ARHGAP1: variants seen among roughly 807,000 people sequenced by gnomAD.
ARHGAP1 encodes rho GTPase-activating protein 1.
ARHGAP1 carries 23 observed loss-of-function variants against 52.2 expected under a neutral mutation model. That is an observed-to-expected ratio of 0.44 (90% CI 0.32 to 0.62). The LOEUF (loss-of-function observed/expected upper bound fraction) is 0.62. Among genes scored for constraint, ARHGAP1 ranks in the 20% least tolerant of loss-of-function variants. The pLI is 0.05. For missense variants in ARHGAP1, 480 were observed against 560.9 expected, an observed-to-expected ratio of 0.86 and a Z score of 1.46; for synonymous variants, 210 against 228.4, an observed-to-expected ratio of 0.92 and a Z score of 0.73.
At position 46,679,502 on chromosome 11, in the gene ARHGAP1, C is replaced by T; in HGVS notation, c.1028-34G>A. ...AAAGGAGGCCCGGGTTATAGGGGCC[C>T]TAGGCTGGGCTGGTTCAGGACGCTC... On this transcript the variant is annotated intron_variant, in intron 11 of 12. Coordinates refer to ENST00000311956, the MANE Select transcript of ARHGAP1 (RefSeq NM_004308.5). This position sits in a 1 kb window ranked among gnomAD's most constrained non-coding sequence, Gnocchi z 4.4. 6.2e-7 allele frequency: 1 copy of T among 1,610,910 alleles called. No homozygotes were observed. The highest frequency in any genetic ancestry group is 1.1e-5 in the South Asian group (1 of 90,940).
chr11:46,681,585 C>T lies in ARHGAP1; in HGVS notation c.450-206G>A, dbSNP rs2064528491. ...AGTAACTAGGATTACAGGCACCCAC[C>T]ACCACACCTAGCTAATTTTTGTATT... On this transcript the variant is annotated intron_variant, in intron 5 of 12. Transcript: ENST00000311956. This position sits in a 1 kb window ranked among gnomAD's most constrained non-coding sequence, Gnocchi z 5.7. 1.1e-5 allele frequency: 6 copies of T among 526,498 alleles called. No individual in the cohort carries two copies. In the Admixed American group the frequency reaches 2.0e-4, roughly 17 times the overall value. The allele number at this position is 526,498 out of a possible 1,614,324, so 32.6% of individuals were successfully genotyped here.
chr11:46,679,507 C>G lies in ARHGAP1; in HGVS notation c.1028-39G>C. ...AGGCCCGGGTTATAGGGGCCCTAGG[C>G]TGGGCTGGTTCAGGACGCTCTGATG... On this transcript the variant is annotated intron_variant, in intron 11 of 12. Transcript: ENST00000311956. This position sits in a 1 kb window ranked among gnomAD's most constrained non-coding sequence, Gnocchi z 4.4. 1 of 1,611,040 alleles carries G rather than the reference C, an allele frequency of 6.2e-7. No homozygotes were observed. Among genetic ancestry groups the G allele is most frequent in the Non-Finnish European group, 8.5e-7 (1 of 1,177,722 alleles).
Position 46,678,833 on chromosome 11 carries a change from T to A in ARHGAP1, c.*204A>T, listed in dbSNP as rs1163831349. ...AAAAGCCCGGTGTCCAGAGAGGCAG[T>A]GAGAAGTGTAAGGCAGAGAAAAACG... On this transcript the variant is annotated 3_prime_UTR_variant, in exon 13 of 13. Transcript: ENST00000311956. 1.7e-6 allele frequency: 1 copy of A among 604,384 alleles called. No individual in the cohort carries two copies. Among genetic ancestry groups the A allele is most frequent in the East Asian group, 2.9e-5 (1 of 34,500 alleles). The allele number at this position is 604,384 out of a possible 1,614,324, so 37.4% of individuals were successfully genotyped here.
chr11:46,695,561 G>T, intron 3 of ARHGAP1, 99 bp downstream of exon 3: 1 of 1,271,348 alleles, frequency 7.9e-7, no homozygotes, highest in Non-Finnish European at 1.1e-6. Flanking sequence ...CAGGGCCAGC[G>T]GTCAGACTGC....
At chr11:46,692,855 T>TA (rs2064624242) in intron 3 of ARHGAP1, among the ~76,000 whole-genome samples, 1 of 33,410 alleles carries the variant, frequency 3.0e-5, no homozygotes. Context: ...ACCCAGCTAA[T>TA]TTTTTTTTTT....
At chr11:46,697,654 CT>C (rs1294451919) in intron 1 of ARHGAP1, 6 of 152,282 alleles carry the variant, frequency 3.9e-5, no homozygotes, top group Admixed American at 1.3e-4. Context: ...CTGTTTCATG[CT>C]CCCAAGCCAA....
In ARHGAP1 at chr11:46,696,921, C is replaced by T. The variant is rs1156656491; in HGVS notation, c.-49-765G>A. 6.6e-6 allele frequency: 1 copy of T among 152,242 alleles called. No individual in the cohort carries two copies. The highest frequency in any genetic ancestry group is 1.5e-5 in the Non-Finnish European group (1 of 68,102). 9.4% of individuals were successfully genotyped at this position (152,242 alleles called of 1,614,324 possible). ...GCTATGGCTGAGGGGCCCAGCTGGG[C>T]TTGCTCCAGGACAGGAACTAGCAGC... is the stretch of plus-strand genomic sequence containing the variant. On this transcript the variant is annotated intron_variant, in intron 1 of 12. Coordinates refer to ENST00000311956, the MANE Select transcript of ARHGAP1 (RefSeq NM_004308.5). The surrounding 1 kb of genome is among the most constrained non-coding windows in gnomAD (Gnocchi z 4.8).
rs1355487887 is a variant in ARHGAP1 at position 46,678,668 on chromosome 11, C to T, written c.*369G>A. 1.8e-5 allele frequency: 4 copies of T among 225,682 alleles called. No homozygotes were observed. The highest frequency in any genetic ancestry group is 3.5e-5 in the Non-Finnish European group (4 of 113,104). 14.0% of individuals were successfully genotyped at this position (225,682 alleles called of 1,614,324 possible). On this transcript the variant is annotated 3_prime_UTR_variant, in exon 13 of 13. Coordinates refer to ENST00000311956, the MANE Select transcript of ARHGAP1 (RefSeq NM_004308.5). The stretch of plus-strand genomic sequence containing the variant: ...GCAATCAAGAGGGGAGGACTGGCCC[C>T]TGCTACCAGCCCAGCCGGCAGTCAT...
intron 1 of ARHGAP1, among the ~76,000 whole-genome samples, chr11:46,697,796 G>A (rs556113835): frequency 2.0e-5 from 3 of 152,196 alleles, no homozygotes; most frequent in Admixed American, 6.5e-5. Flanking sequence ...GATCCCTCAC[G>A]GTCAGGAATG....
Position 46,678,897 on chromosome 11 carries a change from G to A in ARHGAP1, c.*140C>T. 1.0e-6 allele frequency: 1 copy of A among 983,364 alleles called. No homozygotes were observed. The highest frequency in any genetic ancestry group is 1.7e-5 in the South Asian group (1 of 59,038). 60.9% of individuals were successfully genotyped at this position (983,364 alleles called of 1,614,324 possible). A position where few individuals can be genotyped will look rare whatever the true frequency, so the allele number is the denominator to read the frequency against. On this transcript the variant is annotated 3_prime_UTR_variant, in exon 13 of 13. Transcript: ENST00000311956. ...GCGAGGCCGCCAGGGCCGTGAGGCG[G>A]GCTGGACAGAGGTGGGGGAGAGCAT...
intron 4 of ARHGAP1, among the ~76,000 whole-genome samples, chr11:46,685,099 A>AG (rs1323671560): frequency 6.6e-6 from 1 of 151,512 alleles, no homozygotes; most frequent in African/African-American, 2.4e-5. Flanking sequence ...AAAAAAAAAA[A>AG]AAAAAAAGAT....
intron 3 of ARHGAP1, among the ~76,000 whole-genome samples, chr11:46,691,138 G>C (rs978489382): frequency 1.3e-5 from 2 of 152,290 alleles, no homozygotes. Context: ...CAGTAGCTGG[G>C]ATTACAGTTG....
At position 46,677,531 on chromosome 11, in the gene ARHGAP1, C is replaced by A; in HGVS notation, c.*1506G>T. ...CTGGCCAAGGTCATGGGGGCAGGGT[C>A]ACTGCAGGTACTTCCCTGTACTCCC... On this transcript the variant is annotated 3_prime_UTR_variant, in exon 13 of 13. Coordinates refer to ENST00000311956, the MANE Select transcript of ARHGAP1 (RefSeq NM_004308.5). 1 of 171,470 alleles carries A rather than the reference C, an allele frequency of 5.8e-6. No individual in the cohort carries two copies. The highest frequency in any genetic ancestry group is 1.3e-5 in the Non-Finnish European group (1 of 79,096). The allele number at this position is 171,470 out of a possible 1,614,324, so 10.6% of individuals were successfully genotyped here.
In ARHGAP1 at chr11:46,695,734, G is replaced by C; in HGVS notation, c.155C>G (p.Pro52Arg). Reference sequence around the variant, plus strand: ...CCACTTCAGGTGTGTGACAAGTTCCGGGGAGCTGCTTTTGGAGTCATCTGA... The same window carrying C: ...CCACTTCAGGTGTGTGACAAGTTCCCGGGAGCTGCTTTTGGAGTCATCTGA... ...PKSDDSKSSSPELVTHLKWDD... is the reference protein window; with the variant it reads ...PKSDDSKSSSRELVTHLKWDD... Residue 52 changes from proline to arginine, a missense_variant, in exon 3 of 13, where the codon CCG becomes CGG. By Grantham distance (103) the Pro-to-Arg change is moderately radical. Transcript: ENST00000311956. The C allele has an allele frequency of 6.4e-7, 1 of 1,552,270 alleles. No individual in the cohort carries two copies. The highest frequency in any genetic ancestry group is 8.7e-7 in the Non-Finnish European group (1 of 1,147,202).
At position 46,696,041 on chromosome 11, in the gene ARHGAP1, G is replaced by T. The variant is rs1189965240; in HGVS notation, c.67C>A (p.Leu23Met). The T allele has an allele frequency of 6.2e-7, 1 of 1,614,108 alleles. No individual in the cohort carries two copies. The highest frequency in any genetic ancestry group is 2.2e-5 in the East Asian group (1 of 44,878). ...LDDTSEALNQ[L>M]KLASIDEKNW... ...TTCTCATCGATGGAGGCCAGCTTCA[G>T]CTGGTTCAGAGCCTCGCTGGTGTCA... The change falls in exon 2 of 13, where the codon CTG (leucine) becomes ATG (methionine). Residue 23 changes from leucine (L) to methionine (M), a missense_variant. Transcript: ENST00000311956. The surrounding 1 kb of genome is among the most constrained non-coding windows in gnomAD (Gnocchi z 4.8).
At chr11:46,690,693 A>C (rs1395517185) in intron 3 of ARHGAP1, among the ~76,000 whole-genome samples, 1 of 152,134 alleles carries the variant, frequency 6.6e-6, no homozygotes, top group Non-Finnish European at 1.5e-5. Flanking sequence ...CTCTCTCCCC[A>C]GACAGGTTAG....
intron 2 of ARHGAP1, 54 bp from the exon 3 acceptor site, chr11:46,695,809 GC>G (rs1292306720): frequency 2.6e-6 from 4 of 1,556,736 alleles, no homozygotes; most frequent in Non-Finnish European, 3.5e-6. Flanking sequence ...ACCATGCTCT[GC>G]CCCACAGGCA....
At chr11:46,682,243 G>A in intron 4 of ARHGAP1, 61 bp from the exon 5 acceptor site, 1 of 1,598,666 alleles carries the variant, frequency 6.3e-7, no homozygotes, top group African/African-American at 1.3e-5. Context: ...CACGAAGACA[G>A]AAAGCAGCCC....
chr11:46,698,447 C>CA lies in ARHGAP1; in HGVS notation c.-50+2103dup, dbSNP rs879705741. Among the ~76,000 whole-genome samples, 789 of 135,170 alleles carry CA rather than the reference C, an allele frequency of 5.8e-3. 3 individuals carry two copies. Among genetic ancestry groups the CA allele is most frequent in the African/African-American group, 0.015 (558 of 36,756 alleles). The allele number at this position is 135,170 out of a possible 152,430, so 88.7% of individuals were successfully genotyped here. ...TGAAACCCCATCTCTACTAAAAGTA[C>CA]AAAAAAAAAAAATAGCCAGGCATGG... On this transcript the variant is annotated intron_variant, in intron 1 of 12. Transcript: ENST00000311956.
Sources: allele counts gnomAD v4.1 joint callset (sites outside exome capture counted in the v4.1 genomes callset), GRCh38; gene constraint gnomAD v4.1.1; non-coding constraint Gnocchi (gnomAD v3.1); transcripts MANE v1.5; gene names NCBI Gene and HGNC (gene_info 2026-07-23, HGNC 2026-07-21).